Variants in SNX25 observed in about 807,000 individuals in gnomAD.
SNX25 encodes the protein sorting nexin 25.
A neutral mutation model predicts 113.7 loss-of-function variants in SNX25; 62 were observed. The ratio of observed to expected loss-of-function variants is 0.55; its 90% CI spans 0.44 to 0.67. The LOEUF (loss-of-function observed/expected upper bound fraction) is 0.67. SNX25 is among the 30% of genes least tolerant of loss of function. The probability of loss-of-function intolerance (pLI) is 0.00; values close to 1 mark genes in which losing one functional copy is unlikely to be tolerated. For synonymous variants in SNX25, 421 were observed against 436.2 expected (o/e 0.97, Z 0.43); for missense variants, 1,014 against 1,161.0 (o/e 0.87, Z 1.84).
chr4:185,302,388 A>G (rs1316153591), intron 6 of SNX25, among the ~76,000 whole-genome samples: 1 of 152,098 alleles, frequency 6.6e-6, no homozygotes, highest in Non-Finnish European at 1.5e-5. Flanking sequence ...GTAGGGGGGC[A>G]GTCTTGGGGA....
At chr4:185,250,180 A>G (rs1226188958) in intron 2 of SNX25, among the ~76,000 whole-genome samples, 1 of 152,196 alleles carries the variant, frequency 6.6e-6, no homozygotes, top group Non-Finnish European at 1.5e-5. Flanking sequence ...TTTGTTCTTC[A>G]CCTAAAGTGA....
intron 17 of SNX25, 92 bp from the exon 18 acceptor site, chr4:185,362,519 T>TGAA (rs2095369705): frequency 1.6e-6 from 2 of 1,274,842 alleles, no homozygotes; most frequent in South Asian, 3.0e-5. Flanking sequence ...GTTTATTGAC[T>TGAA]GAAGGTGTAT....
chr4:185,300,262 G>A (rs556603519), intron 6 of SNX25, among the ~76,000 whole-genome samples: 53 of 151,688 alleles, frequency 3.5e-4, no homozygotes, highest in African/African-American at 1.2e-3. Context: ...GGGTTCCAGC[G>A]ATTCTCCTGC....
chr4:185,311,161 A>T (rs1487541793), intron 7 of SNX25, among the ~76,000 whole-genome samples: 1 of 152,232 alleles, frequency 6.6e-6, no homozygotes, highest in African/African-American at 2.4e-5. Context: ...ATAACCACCT[A>T]TGAAGTAGGA....
Position 185,267,084 on chromosome 4 carries a change from T to C in SNX25, c.1020T>C (p.Tyr340=). Residue 340 remains tyrosine, a synonymous_variant, in exon 5 of 19, where the codon TAT becomes TAC. Coordinates refer to ENST00000652585, the MANE Select transcript of SNX25 (RefSeq NM_001378034.2). The stretch of plus-strand genomic sequence containing the variant: ...AGCATCACAAGAGAGCCTACACCTA[T>C]GCCCCCTCTTACGAGGACTTCATCA... ...MNEHHKRAYT[Y]APSYEDFIKL... is the part of the protein sequence containing the mutation. 6.2e-7 allele frequency: 1 copy of C among 1,614,092 alleles called. No individual in the cohort carries two copies. The highest frequency in any genetic ancestry group is 1.1e-5 in the South Asian group (1 of 91,072).
intron 5 of SNX25, among the ~76,000 whole-genome samples, chr4:185,269,239 T>G (rs910225137): frequency 2.6e-5 from 4 of 151,954 alleles, no homozygotes; most frequent in African/African-American, 7.3e-5. Flanking sequence ...CCTTGTTGCC[T>G]CTCCTCTCCC....
At chr4:185,316,152 A>T (rs1344530263) in intron 7 of SNX25, among the ~76,000 whole-genome samples, 1 of 152,218 alleles carries the variant, frequency 6.6e-6, no homozygotes, top group Non-Finnish European at 1.5e-5. Flanking sequence ...TATTTATGTA[A>T]CTAGAAAGTG....
chr4:185,204,577 G>A (rs1298072823), intron 1 of SNX25: 1 of 152,234 alleles, frequency 6.6e-6, no homozygotes, highest in African/African-American at 2.4e-5. Context: ...CCCCAAAAAT[G>A]TGCACCTCCT....
chr4:185,323,547 T>C lies in SNX25; in HGVS notation c.1496T>C (p.Val499Ala), dbSNP rs1241574287. 1 of 1,611,102 alleles carries C rather than the reference T, an allele frequency of 6.2e-7. No individual in the cohort carries two copies. The highest frequency in any genetic ancestry group is 8.5e-7 in the Non-Finnish European group (1 of 1,179,008). ...TTTCAGAATGAAATTCCACAATTAG[T>C]TGGTGAAATTTATCAGAATTTCTTT... ...NANKNEIPQL[V>A]GEIYQNFFVE... Residue 499 changes from valine to alanine, a missense_variant, in exon 9 of 19, where the codon GTT becomes GCT. Val to Ala is a moderately conservative substitution (Grantham distance 64). Coordinates refer to ENST00000652585, the MANE Select transcript of SNX25 (RefSeq NM_001378034.2).
intron 16 of SNX25, among the ~76,000 whole-genome samples, chr4:185,359,592 G>A (rs1042836953): frequency 3.9e-5 from 6 of 152,012 alleles, no homozygotes; most frequent in South Asian, 2.1e-4. Flanking sequence ...TCAGGAGTTC[G>A]AGATCAGCCT....
At chr4:185,230,786 T>C (rs1741725590) in intron 1 of SNX25, among the ~76,000 whole-genome samples, 1 of 152,168 alleles carries the variant, frequency 6.6e-6, no homozygotes, top group Admixed American at 6.5e-5. Context: ...TTAGGAAATG[T>C]TGTTAAAAAT....
intron 11 of SNX25, among the ~76,000 whole-genome samples, chr4:185,369,241 T>A (rs1485490042): frequency 1.3e-5 from 2 of 149,132 alleles, no homozygotes; most frequent in Non-Finnish European, 3.0e-5. Flanking sequence ...TTTTTTTTTT[T>A]TTTTTTTGAG....
chr4:185,354,141 C>G (rs1411456026), intron 15 of SNX25, among the ~76,000 whole-genome samples: 6 of 151,980 alleles, frequency 3.9e-5, no homozygotes, highest in Non-Finnish European at 7.4e-5. Context: ...TCCTGATTTA[C>G]TCTGCCCCAT....
chr4:185,288,263 A>G (rs1282403133), intron 6 of SNX25, among the ~76,000 whole-genome samples, 181 bp downstream of exon 6: 1 of 152,222 alleles, frequency 6.6e-6, no homozygotes, highest in Non-Finnish European at 1.5e-5. Context: ...CATCCTAACA[A>G]CAACCTTTGT....
intron 6 of SNX25, among the ~76,000 whole-genome samples, chr4:185,304,632 C>G (rs1754198193): frequency 6.6e-6 from 1 of 152,158 alleles, no homozygotes. Context: ...GCTGGAATTA[C>G]AGGCGTGAGC....
chr4:185,226,848 A>G lies in SNX25; in HGVS notation c.429+16593A>G, dbSNP rs146160724. On this transcript the variant is annotated intron_variant, in intron 1 of 18. Coordinates refer to ENST00000652585, the MANE Select transcript of SNX25 (RefSeq NM_001378034.2). ...GAAATCTGCTTAGCTTTTTAATCCAATGTTTTGTAAACATGACTGATTCCT... is the reference window on the plus strand; with the variant it reads ...GAAATCTGCTTAGCTTTTTAATCCAGTGTTTTGTAAACATGACTGATTCCT... 1.8e-4 allele frequency among the ~76,000 whole-genome samples: 28 copies of G among 152,104 alleles called. No homozygotes were observed. In the East Asian group the frequency reaches 5.0e-3, roughly 27 times the overall value.
chr4:185,315,524 G>A (rs1370709498), intron 7 of SNX25, among the ~76,000 whole-genome samples: 1 of 152,004 alleles, frequency 6.6e-6, no homozygotes, highest in East Asian at 1.9e-4. Flanking sequence ...AACCTGCTAA[G>A]TTCAGGTGAT....
At chr4:185,361,867 A>C in intron 16 of SNX25, 57 bp from the exon 17 acceptor site, 1 of 1,552,050 alleles carries the variant, frequency 6.4e-7, no homozygotes, top group African/African-American at 1.4e-5. Context: ...GTGCCTTTTG[A>C]GAATAGAGTA....
At position 185,247,328 on chromosome 4, in the gene SNX25, A is replaced by G. The variant is rs1745004801; in HGVS notation, c.464A>G (p.Gln155Arg). The G allele has an allele frequency of 6.2e-7, 1 of 1,609,744 alleles. No homozygotes were observed. The highest frequency in any genetic ancestry group is 8.5e-7 in the Non-Finnish European group (1 of 1,178,010). Reference protein sequence around the residue: ...PVYGNSHESAQSRRVVISHNM... With the variant: ...PVYGNSHESARSRRVVISHNM... The stretch of plus-strand genomic sequence containing the variant: ...TATGGAAACTCACATGAGTCAGCTC[A>G]GTCTAGAAGGGTAGTAATTTCTCAT... The change falls in exon 2 of 19, where the codon CAG becomes CGG. Residue 155 changes from glutamine (Q) to arginine (R), a missense_variant. Transcript: ENST00000652585.
Sources: gnomAD v4.1 joint callset for allele counts (sites outside exome capture counted in the v4.1 genomes callset) on GRCh38, gnomAD v4.1.1 for gene constraint, MANE v1.5 for transcripts, NCBI Gene and HGNC (gene_info 2026-07-23, HGNC 2026-07-21) for gene names.